The following MGAT5 variants were observed in gnomAD, a reference collection of about 807,000 sequenced individuals.
MGAT5 encodes the protein alpha-1,6-mannosylglycoprotein 6-beta-N-acetylglucosaminyltransferase.
Under a neutral mutation model 94.3 loss-of-function variants are expected in MGAT5, and 30 were observed. The ratio of observed to expected loss-of-function variants is 0.32; its 90% CI spans 0.24 to 0.43. MGAT5 has a LOEUF of 0.43. Among genes scored for constraint, MGAT5 ranks in the 20% least tolerant of loss-of-function variants. The probability of loss-of-function intolerance (pLI) is 1.00; values close to 1 mark genes in which losing one functional copy is unlikely to be tolerated. For missense variants in MGAT5, 691 were observed against 905.5 expected, an observed-to-expected ratio of 0.76 and a Z score of 3.04; for synonymous variants, 310 against 322.9, an observed-to-expected ratio of 0.96 and a Z score of 0.43.
chr2:134,311,196 A>G (rs896386785), intron 2 of MGAT5, among the ~76,000 whole-genome samples: 11 of 152,182 alleles, frequency 7.2e-5, no homozygotes, highest in African/African-American at 2.4e-4. Context: ...CCTGGGGTCA[A>G]CAGATACTCA....
At chr2:134,320,325 G>A (rs1687242391) in intron 4 of MGAT5, among the ~76,000 whole-genome samples, 1 of 152,012 alleles carries the variant, frequency 6.6e-6, no homozygotes, top group Non-Finnish European at 1.5e-5. Flanking sequence ...CCCTAAATCT[G>A]AGCATCATTT....
chr2:134,264,017 G>GTTTTTTTTT (rs763608726), intron 1 of MGAT5, among the ~76,000 whole-genome samples: 15 of 108,936 alleles, frequency 1.4e-4, no homozygotes, highest in African/African-American at 4.6e-4. Context: ...ATGCCATTAG[G>GTTTTTTTTT]TTTTTTTTTT....
chr2:134,413,746 G>A (rs748247602), intron 12 of MGAT5, among the ~76,000 whole-genome samples: 1 of 152,232 alleles, frequency 6.6e-6, no homozygotes, highest in African/African-American at 2.4e-5. Flanking sequence ...AGTAGTAAGT[G>A]ACTCTGCAGG....
chr2:134,124,464 A>G (rs895711665), intron 1 of MGAT5, among the ~76,000 whole-genome samples: 2 of 152,238 alleles, frequency 1.3e-5, no homozygotes, highest in African/African-American at 4.8e-5. Flanking sequence ...GAATGGGAAC[A>G]GGGCTTTCCT....
At chr2:134,267,093 GTA>G (rs138105682) in intron 1 of MGAT5, among the ~76,000 whole-genome samples, 1,823 of 152,280 alleles carry the variant, frequency 0.012, 40 homozygotes, top group African/African-American at 0.042. Context: ...AGAGTGATTG[GTA>G]TATGTTGTTA....
At chr2:134,339,687 T>G (rs757046650) in intron 6 of MGAT5, among the ~76,000 whole-genome samples, 1 of 152,148 alleles carries the variant, frequency 6.6e-6, no homozygotes, top group Non-Finnish European at 1.5e-5. Flanking sequence ...ATATCTGACT[T>G]TGTAGATTTG....
intron 14 of MGAT5, among the ~76,000 whole-genome samples, chr2:134,435,310 C>T (rs964779413): frequency 1.3e-5 from 2 of 152,304 alleles, no homozygotes; most frequent in East Asian, 1.9e-4. Context: ...GAATGTACTC[C>T]CTTGTCAAAT....
At chr2:134,245,653 AC>A (rs1409988601) in intron 1 of MGAT5, among the ~76,000 whole-genome samples, 1 of 151,886 alleles carries the variant, frequency 6.6e-6, no homozygotes, top group Non-Finnish European at 1.5e-5. Context: ...GGTGAAGACT[AC>A]CCCCATCTCC....
At chr2:134,406,299 T>C (rs1385065794) in intron 11 of MGAT5, among the ~76,000 whole-genome samples, 4 of 152,324 alleles carry the variant, frequency 2.6e-5, no homozygotes, top group African/African-American at 9.6e-5. Context: ...ATTCTGGTTG[T>C]GGGGAAGAAA....
chr2:134,274,184 C>A (rs752115214), intron 2 of MGAT5, among the ~76,000 whole-genome samples: 1 of 152,168 alleles, frequency 6.6e-6, no homozygotes, highest in Non-Finnish European at 1.5e-5. Flanking sequence ...CTTTGTTCTG[C>A]CCATAGTGTC....
intron 15 of MGAT5, 77 bp downstream of exon 15, chr2:134,441,992 ACAGGTTTCCTCTTC>A: frequency 6.6e-7 from 1 of 1,520,274 alleles, no homozygotes; most frequent in Non-Finnish European, 9.0e-7. Flanking sequence ...GGTGAGAGGT[ACAGGTTTCCTCTTC>A]CAAGCTACTG....
intron 2 of MGAT5, among the ~76,000 whole-genome samples, chr2:134,316,819 A>G (rs577003323): frequency 5.3e-5 from 8 of 152,310 alleles, no homozygotes; most frequent in Admixed American, 1.3e-4. Flanking sequence ...TCTATCAGAA[A>G]GAAATGACCC....
At chr2:134,275,522 A>G (rs1299526258) in intron 2 of MGAT5, among the ~76,000 whole-genome samples, 2 of 150,980 alleles carry the variant, frequency 1.3e-5, no homozygotes, top group East Asian at 1.9e-4. Flanking sequence ...CCCCCAGGGG[A>G]CACATGTCAA....
intron 8 of MGAT5, among the ~76,000 whole-genome samples, chr2:134,347,043 C>T (rs1326921231): frequency 6.6e-6 from 1 of 152,256 alleles, no homozygotes; most frequent in East Asian, 1.9e-4. Flanking sequence ...TCAAAACAAA[C>T]ATCTTTTTAA....
chr2:134,174,205 G>A (rs2105132717), intron 1 of MGAT5, among the ~76,000 whole-genome samples: 1 of 152,356 alleles, frequency 6.6e-6, no homozygotes, highest in South Asian at 2.1e-4. Context: ...TTATGTCCTA[G>A]TTTCTAAGAC....
intron 10 of MGAT5, among the ~76,000 whole-genome samples, chr2:134,383,912 C>T (rs1681790421): frequency 6.6e-6 from 1 of 152,140 alleles, no homozygotes; most frequent in Non-Finnish European, 1.5e-5. Flanking sequence ...TATATCCTGA[C>T]CTCGTCACCG....
intron 2 of MGAT5, among the ~76,000 whole-genome samples, chr2:134,278,900 G>A (rs1402060533): frequency 1.3e-5 from 2 of 152,118 alleles, no homozygotes; most frequent in Non-Finnish European, 2.9e-5. Context: ...AGACTTGCTT[G>A]ATGCCCCTCA....
chr2:134,205,558 GCAGCGGCTCT>G, intron 1 of MGAT5, among the ~76,000 whole-genome samples: 1 of 152,316 alleles, frequency 6.6e-6, no homozygotes, highest in Non-Finnish European at 1.5e-5. Context: ...CTGTCAGAAA[GCAGCGGCTCT>G]CTTTCGGGCC....
At chr2:134,312,511 G>T (rs1201199058) in intron 2 of MGAT5, among the ~76,000 whole-genome samples, 2 of 152,140 alleles carry the variant, frequency 1.3e-5, no homozygotes, top group African/African-American at 2.4e-5. Context: ...TTCCTCTTCA[G>T]TTCTCTGGAA....
Sources: allele counts gnomAD v4.1 joint callset (sites outside exome capture counted in the v4.1 genomes callset), GRCh38; gene constraint gnomAD v4.1.1; transcripts MANE v1.5; gene names NCBI Gene and HGNC (gene_info 2026-07-23, HGNC 2026-07-21).